Variants in SEC22C observed in about 807,000 individuals in gnomAD.
SEC22C encodes vesicle-trafficking protein SEC22c.
In SEC22C, 29 loss-of-function variants were observed where a neutral mutation model predicts 34.7. The observed-to-expected ratio is 0.84, with a 90% CI of 0.62 to 1.14. The LOEUF is 1.14. Ranked by LOEUF, SEC22C falls within the 50% of genes most tolerant of loss-of-function variation. SEC22C has a pLI of 0.00. For missense variants in SEC22C, 337 were observed against 369.0 expected (o/e 0.91, Z 0.71); for synonymous variants, 117 against 132.8 (o/e 0.88, Z 0.82).
At chr3:42,558,964 T>C (rs1702714672) in intron 4 of SEC22C, among the ~76,000 whole-genome samples, 1 of 152,232 alleles carries the variant, frequency 6.6e-6, no homozygotes, top group Non-Finnish European at 1.5e-5. Flanking sequence ...CGTGCACTTC[T>C]AGAGCAATTC....
chr3:42,582,236 G>T (rs1333201998), upstream of SEC22C: 2 of 152,282 alleles, frequency 1.3e-5, no homozygotes, highest in African/African-American at 4.8e-5. Flanking sequence ...ACGTCCGGAG[G>T]TGAGAAGGAG....
intron 1 of SEC22C, among the ~76,000 whole-genome samples, chr3:42,572,971 C>G (rs1312626232): frequency 2.0e-5 from 3 of 152,184 alleles, no homozygotes; most frequent in Admixed American, 6.5e-5. Context: ...CTCAAGCAAT[C>G]CTTCCACCTT....
In SEC22C at chr3:42,551,012, G is replaced by A. The variant is rs899934077; in HGVS notation, c.*2236C>T. On this transcript the variant is annotated 3_prime_UTR_variant, in exon 7 of 7. Coordinates refer to ENST00000264454, the MANE Select transcript of SEC22C (RefSeq NM_032970.4). ...GCCTCCTGAGTAGCTGGGGCTACAG[G>A]CACAAGCCACCGTGCCCAGCTAATT... The A allele has an allele frequency of 2.6e-6, 2 of 770,524 alleles. No individual in the cohort carries two copies. The highest frequency in any genetic ancestry group is 1.9e-5 in the African/African-American group (1 of 52,644). 47.7% of individuals were successfully genotyped at this position (770,524 alleles called of 1,614,324 possible).
intron 4 of SEC22C, among the ~76,000 whole-genome samples, chr3:42,558,202 A>C (rs1702651447): frequency 6.6e-6 from 1 of 152,014 alleles, no homozygotes; most frequent in African/African-American, 2.4e-5. Flanking sequence ...ATCCTAAAAC[A>C]ATTTTTGGCA....
At chr3:42,555,534 T>C (rs935633917) in intron 6 of SEC22C, among the ~76,000 whole-genome samples, 6 of 152,182 alleles carry the variant, frequency 3.9e-5, no homozygotes, top group African/African-American at 7.2e-5. Flanking sequence ...GCTACTTTTA[T>C]AGAAGGACAT....
intron 1 of SEC22C, among the ~76,000 whole-genome samples, chr3:42,577,748 T>A (rs563431348): frequency 6.6e-6 from 1 of 152,250 alleles, no homozygotes; most frequent in East Asian, 1.9e-4. Context: ...GGTGAGTGGA[T>A]CACCTGAGGT....
At chr3:42,596,501 A>C (rs1705034951) in intron 1 of SEC22C, among the ~76,000 whole-genome samples, 1 of 152,188 alleles carries the variant, frequency 6.6e-6, no homozygotes, top group Admixed American at 6.5e-5. Context: ...ATGATAAATC[A>C]TGGACAAATT....
intron 1 of SEC22C, among the ~76,000 whole-genome samples, chr3:42,592,888 T>C (rs1187447699): frequency 6.6e-6 from 1 of 152,154 alleles, no homozygotes; most frequent in Non-Finnish European, 1.5e-5. Context: ...CGTAAACTTA[T>C]GTTGATCATG....
intron 1 of SEC22C, among the ~76,000 whole-genome samples, chr3:42,590,092 G>T (rs1307729102): frequency 6.7e-6 from 1 of 148,738 alleles, no homozygotes; most frequent in Non-Finnish European, 1.5e-5. Flanking sequence ...GCTTTTTAGG[G>T]TTGCCAACCT....
chr3:42,550,920 G>A lies in SEC22C; in HGVS notation c.*2328C>T, dbSNP rs1413623475. The A allele has an allele frequency of 1.1e-6, 1 of 922,190 alleles. No individual in the cohort carries two copies. Among genetic ancestry groups the A allele is most frequent in the African/African-American group, 1.8e-5 (1 of 54,546 alleles). 57.1% of individuals were successfully genotyped at this position (922,190 alleles called of 1,614,324 possible). Reference sequence around the variant, plus strand: ...AGTCTTGCTTTGTCACCAGGCTGGAGTGCAGTGGCTCGATCTCGGCTCACT... The same window carrying A: ...AGTCTTGCTTTGTCACCAGGCTGGAATGCAGTGGCTCGATCTCGGCTCACT... On this transcript the variant is annotated 3_prime_UTR_variant, in exon 7 of 7. Coordinates refer to ENST00000264454, the MANE Select transcript of SEC22C (RefSeq NM_032970.4).
chr3:42,586,358 GACT>G (rs1479855472), upstream of SEC22C, among the ~76,000 whole-genome samples: 2 of 152,078 alleles, frequency 1.3e-5, no homozygotes, highest in Non-Finnish European at 2.9e-5. Flanking sequence ...AAGTAGCTGG[GACT>G]ACAGGCCTGT....
chr3:42,566,695 AT>A, intron 2 of SEC22C: 4 of 178,438 alleles, frequency 2.2e-5, no homozygotes, highest in East Asian at 1.5e-4. Flanking sequence ...AAAAAAAAAA[AT>A]TTACTATTCA....
intron 1 of SEC22C, among the ~76,000 whole-genome samples, chr3:42,599,122 C>T (rs534688215): frequency 6.6e-6 from 1 of 151,694 alleles, no homozygotes; most frequent in South Asian, 2.1e-4. Flanking sequence ...ACCGCCACCA[C>T]GCCCGGCTAA....
At chr3:42,598,867 G>A (rs1705128590) in intron 1 of SEC22C, among the ~76,000 whole-genome samples, 1 of 146,158 alleles carries the variant, frequency 6.8e-6, no homozygotes, top group Non-Finnish European at 1.5e-5. Flanking sequence ...CCAGCGAACT[G>A]TACACTTAAA....
chr3:42,548,375 G>T lies in SEC22C; in HGVS notation c.*4873C>A. The T allele has an allele frequency of 3.5e-6, 2 of 573,680 alleles. No homozygotes were observed. The highest frequency in any genetic ancestry group is 6.2e-6 in the Non-Finnish European group (2 of 320,124). 35.5% of individuals were successfully genotyped at this position (573,680 alleles called of 1,614,324 possible). On this transcript the variant is annotated 3_prime_UTR_variant, in exon 7 of 7. Transcript: ENST00000264454. ...TTAAAGGTCATATGTACTAAGCATG[G>T]GTCAGAGGAATAGAATGGATTTGTT...
At chr3:42,562,371 C>A (rs550137357) in intron 3 of SEC22C, among the ~76,000 whole-genome samples, 4 of 152,332 alleles carry the variant, frequency 2.6e-5, no homozygotes, top group South Asian at 2.1e-4. Context: ...CTGTTTTAGA[C>A]TAGCAGCCCT....
chr3:42,553,355 G>A lies in SEC22C; in HGVS notation c.805C>T (p.Leu269=), dbSNP rs1702341932. The change falls in exon 7 of 7, where the codon CTG becomes TTG. Residue 269 remains leucine (L), a synonymous_variant. Coordinates refer to ENST00000264454, the MANE Select transcript of SEC22C (RefSeq NM_032970.4). ...ICLGNMYLHG[L]RNLWQILFHI... is the part of the protein sequence containing the mutation. ...AAAAGGATTTGCCAGAGGTTCCTCA[G>A]CCCGTGCAGGTACATGTTGCCCAGG... 6.2e-7 allele frequency: 1 copy of A among 1,614,052 alleles called. No individual in the cohort carries two copies. The highest frequency in any genetic ancestry group is 1.3e-5 in the African/African-American group (1 of 74,920).
At chr3:42,562,393 GA>G (rs753609869) in intron 3 of SEC22C, among the ~76,000 whole-genome samples, 3 of 152,232 alleles carry the variant, frequency 2.0e-5, no homozygotes, top group Non-Finnish European at 4.4e-5. Flanking sequence ...TTCAGAGAAA[GA>G]AGTGTGGCCC....
chr3:42,560,116 CTCTCT>C, intron 4 of SEC22C, among the ~76,000 whole-genome samples: 1 of 116,506 alleles, frequency 8.6e-6, no homozygotes, highest in East Asian at 2.2e-4. Flanking sequence ...CTCTCTCTCT[CTCTCT>C]ATATATATAT....
Sources: allele counts gnomAD v4.1 joint callset (sites outside exome capture counted in the v4.1 genomes callset), GRCh38; gene constraint gnomAD v4.1.1; transcripts MANE v1.5; gene names NCBI Gene and HGNC (gene_info 2026-07-23, HGNC 2026-07-21).